Variants in TLL1 observed in about 807,000 individuals in gnomAD.
The protein encoded by TLL1 is tolloid like 1.
Under a neutral mutation model 128.2 loss-of-function variants are expected in TLL1, and 49 were observed. That is an observed-to-expected ratio of 0.38 (90% CI 0.30 to 0.48). The LOEUF (loss-of-function observed/expected upper bound fraction) is 0.48, where lower values mean the gene tolerates loss of function less well. Among genes scored for constraint, TLL1 ranks in the 20% least tolerant of loss-of-function variants. The pLI is 0.96. For synonymous variants in TLL1, 454 were observed against 418.8 expected (o/e 1.08, Z -1.03); for missense variants, 1,123 against 1,242.0 (o/e 0.90, Z 1.44).
intron 1 of TLL1, among the ~76,000 whole-genome samples, chr4:165,946,410 A>G (rs150449985): frequency 0.01 from 1,519 of 151,814 alleles, 28 homozygotes; most frequent in African/African-American, 0.035. Flanking sequence ...ATCATAGCTC[A>G]CTGCAGCCTT....
At chr4:166,015,321 A>C (rs28680741) in intron 8 of TLL1, among the ~76,000 whole-genome samples, 7,784 of 152,060 alleles carry the variant, frequency 0.051, 268 homozygotes, top group African/African-American at 0.091. Flanking sequence ...TTACTTGTAG[A>C]ATTCACTTTT....
intron 1 of TLL1, among the ~76,000 whole-genome samples, chr4:165,918,889 T>C (rs1732904395): frequency 1.3e-5 from 2 of 152,150 alleles, no homozygotes; most frequent in African/African-American, 4.8e-5. Context: ...GTAGCTCCAG[T>C]GTACCTCAAC....
At chr4:165,947,920 G>A (rs1734334336) in intron 1 of TLL1, among the ~76,000 whole-genome samples, 2 of 152,114 alleles carry the variant, frequency 1.3e-5, no homozygotes, top group South Asian at 2.1e-4. Flanking sequence ...GCTATAAAAC[G>A]AAATAAGGCT....
chr4:165,934,833 A>G (rs1331064934), intron 1 of TLL1, among the ~76,000 whole-genome samples: 1 of 152,196 alleles, frequency 6.6e-6, no homozygotes. Flanking sequence ...TAACTGTACT[A>G]TTTCTTACTG....
chr4:166,044,343 G>T, intron 12 of TLL1: 1 of 1,535,234 alleles, frequency 6.5e-7, no homozygotes, highest in Non-Finnish European at 8.7e-7. Context: ...CCGTGGTCAT[G>T]GTTGTGTGTC....
intron 1 of TLL1, among the ~76,000 whole-genome samples, chr4:165,967,892 T>C (rs891036236): frequency 2.4e-4 from 36 of 152,238 alleles, no homozygotes; most frequent in African/African-American, 8.7e-4. Flanking sequence ...GACTTTATAT[T>C]GAGTGTATCC....
chr4:166,056,276 G>A (rs1264927836), intron 13 of TLL1, among the ~76,000 whole-genome samples: 1 of 151,916 alleles, frequency 6.6e-6, no homozygotes, highest in African/African-American at 2.4e-5. Context: ...CAAGTGTCTT[G>A]CTGATGCATA....
chr4:165,936,875 G>C (rs765562179), intron 1 of TLL1, among the ~76,000 whole-genome samples: 1 of 152,134 alleles, frequency 6.6e-6, no homozygotes, highest in Non-Finnish European at 1.5e-5. Flanking sequence ...AGAGATTGCC[G>C]TGAGCCGAGA....
intron 1 of TLL1, among the ~76,000 whole-genome samples, chr4:165,969,601 G>A (rs1276312326): frequency 1.3e-5 from 2 of 152,100 alleles, no homozygotes; most frequent in Non-Finnish European, 2.9e-5. Flanking sequence ...ACCAATAAAA[G>A]TTATGATAGC....
chr4:165,922,872 G>A (rs1733095719), intron 1 of TLL1, among the ~76,000 whole-genome samples: 1 of 152,180 alleles, frequency 6.6e-6, no homozygotes, highest in Non-Finnish European at 1.5e-5. Context: ...CTGGTAGCCA[G>A]CACAGGATTT....
At chr4:166,001,163 C>T (rs1369862466) in intron 5 of TLL1, among the ~76,000 whole-genome samples, 3 of 152,128 alleles carry the variant, frequency 2.0e-5, no homozygotes. Flanking sequence ...TGGCATTTTT[C>T]TCTTCCAATT....
intron 12 of TLL1, among the ~76,000 whole-genome samples, chr4:166,050,150 CTCT>C (rs1739642572): frequency 6.6e-6 from 1 of 152,156 alleles, no homozygotes; most frequent in Non-Finnish European, 1.5e-5. Context: ...ATTTCCAGAA[CTCT>C]TCATCTTGCA....
In TLL1 at chr4:165,878,349, G is replaced by A. The variant is rs144892577; in HGVS notation, c.169+4276G>A. ...ATCTGTTTCTTCTGTTTTAGTTTTC[G>A]TTTCCTCAGATCTTGATTTTTTTTT... On this transcript the variant is annotated intron_variant, in intron 1 of 20. Coordinates refer to ENST00000061240, the MANE Select transcript of TLL1 (RefSeq NM_012464.5). 5.7e-3 allele frequency among the ~76,000 whole-genome samples: 855 copies of A among 150,678 alleles called. 7 individuals are homozygous for A. The highest frequency in any genetic ancestry group is 9.5e-3 in the Non-Finnish European group (644 of 67,742).
intron 1 of TLL1, among the ~76,000 whole-genome samples, chr4:165,888,629 GTCATAATGTC>G (rs1048675563): frequency 6.6e-6 from 1 of 151,696 alleles, no homozygotes; most frequent in African/African-American, 2.4e-5. Flanking sequence ...TTAGGCTTCT[GTCATAATGTC>G]AATTCAGAAT....
At chr4:165,960,725 T>C (rs971372053) in intron 1 of TLL1, among the ~76,000 whole-genome samples, 1 of 152,152 alleles carries the variant, frequency 6.6e-6, no homozygotes, top group Non-Finnish European at 1.5e-5. Context: ...ATCATCTCAA[T>C]AGATGCAGAA....
intron 13 of TLL1, among the ~76,000 whole-genome samples, chr4:166,055,685 G>T (rs1217527774): frequency 1.3e-5 from 2 of 152,052 alleles, no homozygotes; most frequent in Non-Finnish European, 2.9e-5. Context: ...AATAATTTAT[G>T]ACCTCCTTAG....
At chr4:166,098,815 C>T (rs532785760) in intron 19 of TLL1, among the ~76,000 whole-genome samples, 35 of 151,914 alleles carry the variant, frequency 2.3e-4, no homozygotes, top group Non-Finnish European at 4.4e-4. Context: ...TAAATTGTTA[C>T]GATTAAACTT....
At chr4:165,998,691 G>T (rs2111025540) in intron 5 of TLL1, among the ~76,000 whole-genome samples, 1 of 151,898 alleles carries the variant, frequency 6.6e-6, no homozygotes, top group South Asian at 2.1e-4. Context: ...CAGCTACTCG[G>T]GAGGCTGAGG....
At chr4:166,075,100 G>A in intron 17 of TLL1, 97 bp downstream of exon 17, 9 of 1,542,212 alleles carry the variant, frequency 5.8e-6, no homozygotes, top group Non-Finnish European at 8.0e-6. Context: ...TTCAATGAGT[G>A]ATATCATGGT....
Sources: gnomAD v4.1 joint callset for allele counts (sites outside exome capture counted in the v4.1 genomes callset) on GRCh38, gnomAD v4.1.1 for gene constraint, MANE v1.5 for transcripts, NCBI Gene and HGNC (gene_info 2026-07-23, HGNC 2026-07-21) for gene names.